EFNB2: variants seen among roughly 807,000 people sequenced by gnomAD.
EFNB2 encodes ephrin B2, also known as ephrin-B2.
In EFNB2, 5 loss-of-function variants were observed where a neutral mutation model predicts 32.1. That is an observed-to-expected ratio of 0.16 (90% CI 0.08 to 0.33). The LOEUF (loss-of-function observed/expected upper bound fraction) is 0.33. EFNB2 is among the 10% of genes least tolerant of loss of function. The pLI is 1.00. For missense variants in EFNB2, 263 were observed against 422.6 expected, an observed-to-expected ratio of 0.62 and a Z score of 3.31; for synonymous variants, 168 against 166.5, an observed-to-expected ratio of 1.01 and a Z score of -0.07.
At chr13:106,513,749 A>T (rs2068972438) in intron 1 of EFNB2, among the ~76,000 whole-genome samples, 1 of 60,102 alleles carries the variant, frequency 1.7e-5, no homozygotes, top group Non-Finnish European at 3.6e-5. Flanking sequence ...CAACACACTT[A>T]GAAATCTCAG....
intron 4 of EFNB2, among the ~76,000 whole-genome samples, chr13:106,494,375 C>A (rs1878519788): frequency 6.6e-6 from 1 of 152,110 alleles, no homozygotes; most frequent in African/African-American, 2.4e-5. Context: ...TTGTCAGGGA[C>A]CTGTTTAATA....
intron 2 of EFNB2, among the ~76,000 whole-genome samples, chr13:106,507,246 T>G (rs955564465): frequency 6.6e-6 from 1 of 152,188 alleles, no homozygotes; most frequent in African/African-American, 2.4e-5. Flanking sequence ...CATAAATAAT[T>G]CATCAAATAA....
intron 2 of EFNB2, among the ~76,000 whole-genome samples, chr13:106,511,153 C>T (rs1399500886): frequency 6.6e-6 from 1 of 152,212 alleles, no homozygotes; most frequent in African/African-American, 2.4e-5. Flanking sequence ...GCCACCCCAT[C>T]TACCTGTTTC....
intron 2 of EFNB2, among the ~76,000 whole-genome samples, chr13:106,504,765 C>T (rs967916686): frequency 2.6e-5 from 4 of 152,094 alleles, no homozygotes; most frequent in African/African-American, 9.7e-5. Context: ...TTCTATGCAG[C>T]CAGCCAGCCA....
In EFNB2 at chr13:106,501,753, C is replaced by T. The variant is rs577664489; in HGVS notation, c.407-5913G>A. ...GACTACAGGAGCCCGCCACCACACC[C>T]GGCTCATTTTTTGTATTTTTAGTAG... On this transcript the variant is annotated intron_variant, in intron 2 of 4. Coordinates refer to ENST00000646441, the MANE Select transcript of EFNB2 (RefSeq NM_004093.4). Among the ~76,000 whole-genome samples the T allele has an allele frequency of 3.5e-3, 527 of 152,136 alleles. 2 individuals carry two copies. The highest frequency in any genetic ancestry group is 0.012 in the African/African-American group (501 of 41,514).
chr13:106,532,441 C>T (rs1012039316), intron 1 of EFNB2, among the ~76,000 whole-genome samples: 1 of 152,196 alleles, frequency 6.6e-6, no homozygotes, highest in Admixed American at 6.5e-5. Context: ...ATTTGATTAC[C>T]TTCCTGCCAC....
intron 2 of EFNB2, among the ~76,000 whole-genome samples, chr13:106,499,351 T>C (rs1161469138): frequency 6.6e-6 from 1 of 152,162 alleles, no homozygotes; most frequent in Non-Finnish European, 1.5e-5. Flanking sequence ...ATTAATATTC[T>C]GATTTCTCCT....
chr13:106,493,011 G>C lies in EFNB2; in HGVS notation c.*29C>G, dbSNP rs1435335783. 1 of 1,576,624 alleles carries C rather than the reference G, an allele frequency of 6.3e-7. No homozygotes were observed. The highest frequency in any genetic ancestry group is 1.2e-5 in the South Asian group (1 of 86,676). On this transcript the variant is annotated 3_prime_UTR_variant, in exon 5 of 5. Transcript: ENST00000646441. This position sits in a 1 kb window ranked among gnomAD's most constrained non-coding sequence, Gnocchi z 6.1. Reference sequence around the variant, plus strand: ...GCATCGGGACATTAGGTGTCCTCTGGGAAAGCACAGGTACCACCAGGGTCC... The same window carrying C: ...GCATCGGGACATTAGGTGTCCTCTGCGAAAGCACAGGTACCACCAGGGTCC...
At chr13:106,507,073 T>C (rs1292415693) in intron 2 of EFNB2, among the ~76,000 whole-genome samples, 1 of 152,070 alleles carries the variant, frequency 6.6e-6, no homozygotes, top group Non-Finnish European at 1.5e-5. Context: ...AGGTTAGAAA[T>C]AAAAATGAGT....
intron 2 of EFNB2, 53 bp downstream of exon 2, chr13:106,512,476 C>T (rs1224498498): frequency 1.1e-5 from 13 of 1,217,678 alleles, no homozygotes. Context: ...TTGATACAAA[C>T]CTATATAGCT....
chr13:106,499,719 A>C (rs1021537579), intron 2 of EFNB2, among the ~76,000 whole-genome samples: 3 of 152,204 alleles, frequency 2.0e-5, no homozygotes, highest in African/African-American at 7.2e-5. Context: ...GGCTCAGGAA[A>C]AAAATAGACT....
At position 106,515,774 on chromosome 13, in the gene EFNB2, C is replaced by A. The variant is rs186564900; in HGVS notation, c.123-2962G>T. Among the ~76,000 whole-genome samples the A allele has an allele frequency of 2.0e-5, 3 of 152,270 alleles. No individual in the cohort carries two copies. In the South Asian group the frequency reaches 6.2e-4, roughly 32 times the overall value. On this transcript the variant is annotated intron_variant, in intron 1 of 4. Transcript: ENST00000646441. ...GAGCCTGAACTACAGCTCTCCTGGC[C>A]ATGTTTTCACTACGTGTAGTCTGCA... is the stretch of plus-strand genomic sequence containing the variant.
Position 106,493,307 on chromosome 13 carries a change from C to G in EFNB2, c.735G>C (p.Leu245=), listed in dbSNP as rs761914942. ...TCCGGTACTTCAGCAAGAGGACCAC[C>G]AGCGTGATGATGATGACGATGAAGA... The part of the protein sequence containing the change: ...CIIFIVIIIT[L]VVLLLKYRRR... The change falls in exon 5 of 5, where the codon CTG becomes CTC. Residue 245 remains leucine, a synonymous_variant. Coordinates refer to ENST00000646441, the MANE Select transcript of EFNB2 (RefSeq NM_004093.4). This position sits in a 1 kb window ranked among gnomAD's most constrained non-coding sequence, Gnocchi z 6.1. The G allele has an allele frequency of 1.9e-6, 3 of 1,614,008 alleles. No homozygotes were observed. The highest frequency in any genetic ancestry group is 1.7e-6 in the Non-Finnish European group (2 of 1,180,034).
chr13:106,493,346 A>G lies in EFNB2; in HGVS notation c.696T>C (p.Ala232=), dbSNP rs1470976564. 1 of 1,614,184 alleles carries G rather than the reference A, an allele frequency of 6.2e-7. No individual in the cohort carries two copies. Among genetic ancestry groups the G allele is most frequent in the South Asian group, 1.1e-5 (1 of 91,088 alleles). ...TGACGATGAAGATGATGCATCCTGA[A>G]GCAATCCCTGCAAATAAGGCCACTT... The part of the protein sequence containing the change: ...GSEVALFAGI[A]SGCIIFIVII... The change falls in exon 5 of 5, where the codon GCT becomes GCC. Residue 232 remains alanine (A), a synonymous_variant. Coordinates refer to ENST00000646441, the MANE Select transcript of EFNB2 (RefSeq NM_004093.4). The surrounding 1 kb of genome is among the most constrained non-coding windows in gnomAD (Gnocchi z 6.1).
chr13:106,500,059 G>T (rs768287745), intron 2 of EFNB2, among the ~76,000 whole-genome samples: 1 of 152,200 alleles, frequency 6.6e-6, no homozygotes, highest in South Asian at 2.1e-4. Context: ...GAGTATACTG[G>T]TTATCTGAGT....
intron 2 of EFNB2, among the ~76,000 whole-genome samples, chr13:106,512,179 G>C (rs138898041): frequency 3.5e-4 from 54 of 152,160 alleles, no homozygotes; most frequent in African/African-American, 1.2e-3. Flanking sequence ...TGGGTGAAGA[G>C]AAAAGGCAAT....
intron 2 of EFNB2, among the ~76,000 whole-genome samples, chr13:106,498,798 G>A (rs770322366): frequency 8.5e-5 from 13 of 152,162 alleles, no homozygotes; most frequent in Non-Finnish European, 4.4e-5. Flanking sequence ...TGCTTGCCAC[G>A]TGGGGAGCAA....
chr13:106,510,686 A>AATGT (rs1464799286), intron 2 of EFNB2, among the ~76,000 whole-genome samples: 1 of 151,112 alleles, frequency 6.6e-6, no homozygotes, highest in African/African-American at 2.5e-5. Flanking sequence ...GTCATGCCTA[A>AATGT]CAGTAGCTTT....
chr13:106,512,932 A>T (rs78165977), intron 1 of EFNB2, 120 bp from the exon 2 acceptor site: 29,088 of 825,050 alleles, frequency 0.035, 2,514 homozygotes, highest in African/African-American at 0.28. Context: ...TTCACACTTT[A>T]ATTTATCAAA....
Sources: allele counts gnomAD v4.1 joint callset (sites outside exome capture counted in the v4.1 genomes callset), GRCh38; gene constraint gnomAD v4.1.1; non-coding constraint Gnocchi (gnomAD v3.1); transcripts MANE v1.5; gene names NCBI Gene and HGNC (gene_info 2026-07-23, HGNC 2026-07-21).